ETV1: variants seen among roughly 807,000 people sequenced by gnomAD.
The protein encoded by ETV1 is ETS translocation variant 1.
In ETV1, 27 loss-of-function variants were observed where a neutral mutation model predicts 62.3. The observed-to-expected ratio is 0.43, with a 90% CI of 0.32 to 0.60. The LOEUF (loss-of-function observed/expected upper bound fraction) is 0.60. Among genes scored for constraint, ETV1 ranks in the 20% least tolerant of loss-of-function variants. The probability of loss-of-function intolerance (pLI) is 0.06; values close to 1 mark genes in which losing one functional copy is unlikely to be tolerated. For synonymous variants in ETV1, 222 were observed against 199.6 expected (o/e 1.11, Z -0.94); for missense variants, 605 against 605.8 (o/e 1.00, Z 0.01).
At chr7:13,980,744 C>T (rs1472723646) in intron 5 of ETV1, among the ~76,000 whole-genome samples, 1 of 152,116 alleles carries the variant, frequency 6.6e-6, no homozygotes, top group Non-Finnish European at 1.5e-5. Context: ...TCTGCACTCT[C>T]AGCTATTTGT....
chr7:13,983,398 T>G (rs73679066), intron 5 of ETV1, among the ~76,000 whole-genome samples: 1,590 of 152,112 alleles, frequency 0.01, 22 homozygotes, highest in African/African-American at 0.036. Flanking sequence ...CACAAGAGGT[T>G]CCATTTTAAC....
chr7:13,967,489 A>G (rs1220529385), intron 6 of ETV1, among the ~76,000 whole-genome samples: 1 of 152,140 alleles, frequency 6.6e-6, no homozygotes, highest in African/African-American at 2.4e-5. Context: ...CATTCCTGAT[A>G]TATTGCCAAT....
intron 4 of ETV1, 141 bp downstream of exon 4, chr7:13,987,945 C>G: frequency 1.7e-6 from 1 of 598,182 alleles, no homozygotes; most frequent in South Asian, 2.1e-5. Context: ...TTATGTAAAT[C>G]GTTCCAAGTT....
intron 13 of ETV1, among the ~76,000 whole-genome samples, chr7:13,897,988 G>T (rs938156071): frequency 6.6e-6 from 1 of 152,164 alleles, no homozygotes; most frequent in Non-Finnish European, 1.5e-5. Flanking sequence ...ATTAAAATGT[G>T]TAACATGCAA....
intron 9 of ETV1, among the ~76,000 whole-genome samples, chr7:13,917,446 T>C (rs1784309395): frequency 6.6e-6 from 1 of 151,832 alleles, no homozygotes; most frequent in South Asian, 2.1e-4. Context: ...GCCTCCCTAG[T>C]AGCTGGGATT....
At chr7:13,964,821 C>A (rs1790596411) in intron 6 of ETV1, among the ~76,000 whole-genome samples, 1 of 152,024 alleles carries the variant, frequency 6.6e-6, no homozygotes, top group South Asian at 2.1e-4. Context: ...TTCTTATTTG[C>A]TATTTTCCCA....
intron 6 of ETV1, among the ~76,000 whole-genome samples, chr7:13,953,254 A>C (rs1213274414): frequency 6.6e-6 from 1 of 152,200 alleles, no homozygotes; most frequent in East Asian, 1.9e-4. Context: ...GCCTGAATCA[A>C]GATACCCATC....
At chr7:13,988,979 A>G (rs1782820060) in intron 3 of ETV1, 29 bp downstream of exon 3, 1 of 1,588,676 alleles carries the variant, frequency 6.3e-7, no homozygotes, top group African/African-American at 1.3e-5. Flanking sequence ...TCAAGTTTAT[A>G]AACAGCAACT....
At chr7:13,931,428 T>C (rs1335362508) in intron 9 of ETV1, 74 bp downstream of exon 9, 4 of 1,563,888 alleles carry the variant, frequency 2.6e-6, no homozygotes, top group Non-Finnish European at 8.8e-7. Context: ...CCTAGTCTGA[T>C]ACCAACACTA....
chr7:13,961,348 T>C (rs938609666), intron 6 of ETV1, among the ~76,000 whole-genome samples: 1 of 152,146 alleles, frequency 6.6e-6, no homozygotes. Flanking sequence ...TAATTTTAAA[T>C]GGGCTTCAAG....
At chr7:13,986,464 C>A in intron 5 of ETV1, 174 bp downstream of exon 5, 11 of 1,504,174 alleles carry the variant, frequency 7.3e-6, no homozygotes, top group Non-Finnish European at 9.7e-6. Flanking sequence ...GGTAGTACAG[C>A]CCCAGAGTCC....
At chr7:13,978,524 G>C (rs1481486592) in intron 5 of ETV1, among the ~76,000 whole-genome samples, 1 of 151,818 alleles carries the variant, frequency 6.6e-6, no homozygotes, top group Non-Finnish European at 1.5e-5. Flanking sequence ...TACTTCATTA[G>C]TGTTACGTAA....
chr7:13,932,252 A>G (rs570819669), intron 8 of ETV1, among the ~76,000 whole-genome samples: 1 of 152,352 alleles, frequency 6.6e-6, no homozygotes, highest in African/African-American at 2.4e-5. Flanking sequence ...TGAGAAAGCA[A>G]GAGAGGAATG....
upstream of ETV1, chr7:13,991,358 C>T (rs2128519807): frequency 6.6e-6 from 1 of 152,430 alleles, no homozygotes; most frequent in South Asian, 2.1e-4. Flanking sequence ...GACGGGTATC[C>T]AGGGTAACCG....
chr7:13,909,624 A>G lies in ETV1; in HGVS notation c.940+8T>C, dbSNP rs371484603. 3 of 1,610,590 alleles carry G rather than the reference A, an allele frequency of 1.9e-6. No individual in the cohort carries two copies. In the African/African-American group the frequency reaches 4.0e-5, roughly 22 times the overall value. The stretch of plus-strand genomic sequence containing the variant: ...AAATCAGAACTTGAGGCAAAGTGTA[A>G]AACCTACCATCGAATTTTTCTGGGA... On this transcript the variant is annotated splice_region_variant and intron_variant, in intron 11 of 13. Coordinates refer to ENST00000430479, the MANE Select transcript of ETV1 (RefSeq NM_004956.5).
intron 5 of ETV1, among the ~76,000 whole-genome samples, chr7:13,981,061 T>C (rs10255497): frequency 0.55 from 83,487 of 151,700 alleles, 23,210 homozygotes; most frequent in Admixed American, 0.62. Flanking sequence ...GCGAAAACCC[T>C]CCTATTCTTA....
Position 13,895,746 on chromosome 7 carries a change from G to C in ETV1, c.*120C>G, listed in dbSNP as rs1008225029. 1.4e-6 allele frequency: 1 copy of C among 734,308 alleles called. No homozygotes were observed. Among genetic ancestry groups the C allele is most frequent in the Non-Finnish European group, 2.3e-6 (1 of 442,446 alleles). The allele number at this position is 734,308 out of a possible 1,614,324, so 45.5% of individuals were successfully genotyped here. Reference sequence around the variant, plus strand: ...AATGCAACAGGAAAAGCCCCTTTTTGTGTATTATTATTTAAAAATAAAATA... The same window carrying C: ...AATGCAACAGGAAAAGCCCCTTTTTCTGTATTATTATTTAAAAATAAAATA... On this transcript the variant is annotated 3_prime_UTR_variant, in exon 14 of 14. Transcript: ENST00000430479.
At chr7:13,917,410 C>T (rs998764063) in intron 9 of ETV1, among the ~76,000 whole-genome samples, 13 of 151,588 alleles carry the variant, frequency 8.6e-5, no homozygotes, top group South Asian at 2.1e-4. Context: ...CTCTGCCTCC[C>T]GGGTTCAAGT....
At chr7:13,967,159 T>A (rs1053085073) in intron 6 of ETV1, among the ~76,000 whole-genome samples, 8 of 152,164 alleles carry the variant, frequency 5.3e-5, no homozygotes, top group African/African-American at 1.9e-4. Flanking sequence ...CATTCCAATT[T>A]TGCAAACAGA....
Sources: allele counts gnomAD v4.1 joint callset (sites outside exome capture counted in the v4.1 genomes callset), GRCh38; gene constraint gnomAD v4.1.1; transcripts MANE v1.5; gene names NCBI Gene and HGNC (gene_info 2026-07-23, HGNC 2026-07-21).